The following SPAG16 variants were observed in gnomAD, a reference collection of about 807,000 sequenced individuals.
SPAG16 encodes sperm associated antigen 16.
In SPAG16, 86 loss-of-function variants were observed where a neutral mutation model predicts 80.4. The observed-to-expected ratio is 1.07, with a 90% CI of 0.90 to 1.28. The LOEUF (loss-of-function observed/expected upper bound fraction) is 1.28. Ranked by LOEUF, SPAG16 falls within the 50% of genes most tolerant of loss-of-function variation. SPAG16 has a pLI of 0.00. For synonymous variants in SPAG16, 294 were observed against 265.9 expected, an observed-to-expected ratio of 1.11 and a Z score of -1.03; for missense variants, 870 against 765.3, an observed-to-expected ratio of 1.14 and a Z score of -1.61.
chr2:214,048,820 A>G (rs1000842882), intron 13 of SPAG16, among the ~76,000 whole-genome samples: 9 of 152,196 alleles, frequency 5.9e-5, no homozygotes, highest in Non-Finnish European at 8.8e-5. Flanking sequence ...CCATAAATAT[A>G]TACACCTATG....
intron 15 of SPAG16, among the ~76,000 whole-genome samples, chr2:214,319,200 C>CCACACACACACACA (rs61711759): frequency 0.14 from 20,091 of 142,188 alleles, 1,498 homozygotes; most frequent in African/African-American, 0.17. Flanking sequence ...CACACACACA[C>CCACACACACACACA]CACACACACA....
intron 15 of SPAG16, among the ~76,000 whole-genome samples, chr2:214,324,866 A>C (rs1309965823): frequency 6.6e-6 from 1 of 152,184 alleles, no homozygotes; most frequent in Non-Finnish European, 1.5e-5. Context: ...TATTTTGCAA[A>C]TAAACAAACA....
chr2:213,708,692 A>G (rs2065858341), intron 10 of SPAG16, among the ~76,000 whole-genome samples: 1 of 152,198 alleles, frequency 6.6e-6, no homozygotes. Flanking sequence ...CACACACCGC[A>G]GGAGAATCAC....
At chr2:213,747,225 A>G (rs921208653) in intron 10 of SPAG16, among the ~76,000 whole-genome samples, 3 of 152,248 alleles carry the variant, frequency 2.0e-5, no homozygotes, top group Admixed American at 6.5e-5. Flanking sequence ...AAAGAAATCT[A>G]TAAAGAAAAT....
intron 15 of SPAG16, among the ~76,000 whole-genome samples, chr2:214,169,473 T>TG (rs894422592): frequency 1.3e-5 from 2 of 152,020 alleles, no homozygotes; most frequent in Non-Finnish European, 2.9e-5. Flanking sequence ...ATAATGAGGG[T>TG]GGGGACTCTT....
In SPAG16 at chr2:214,276,619, C is replaced by T. The variant is rs115568846; in HGVS notation, c.1720+127353C>T. The stretch of plus-strand genomic sequence containing the variant: ...CTTTTAAGAATGTTGAATGTTGTCC[C>T]TCAACCCTCTTCCAGCTTGTAGAGT... On this transcript the variant is annotated intron_variant, in intron 15 of 15. Coordinates refer to ENST00000331683, the MANE Select transcript of SPAG16 (RefSeq NM_024532.5). Among the ~76,000 whole-genome samples, 1,060 of 152,310 alleles carry T rather than the reference C, an allele frequency of 7.0e-3. 8 individuals are homozygous for T. Among genetic ancestry groups the T allele is most frequent in the African/African-American group, 0.024 (1,014 of 41,564 alleles).
intron 10 of SPAG16, among the ~76,000 whole-genome samples, chr2:213,577,987 C>T (rs1398275116): frequency 6.6e-6 from 1 of 151,942 alleles, no homozygotes; most frequent in African/African-American, 2.4e-5. Flanking sequence ...TCTGCAATAA[C>T]TAAAACTCTT....
rs1386730642 is a variant in SPAG16 at position 214,378,384 on chromosome 2, A to C, written c.1721-31756A>C. Among the ~76,000 whole-genome samples, 4 of 152,188 alleles carry C rather than the reference A, an allele frequency of 2.6e-5. No homozygotes were observed. The East Asian group carries it at 7.7e-4, about 29-fold the overall frequency. ...TATTAGGATGTCTAACATGGGGCAG[A>C]ATGAGTTGCTCCATTGGCTCAATGA... On this transcript the variant is annotated intron_variant, in intron 15 of 15. Coordinates refer to ENST00000331683, the MANE Select transcript of SPAG16 (RefSeq NM_024532.5).
intron 11 of SPAG16, among the ~76,000 whole-genome samples, chr2:213,891,521 T>G (rs1197544005): frequency 1.3e-5 from 2 of 152,084 alleles, no homozygotes; most frequent in African/African-American, 4.8e-5. Context: ...TTAGATGAAA[T>G]GTATTTTGAA....
intron 15 of SPAG16, among the ~76,000 whole-genome samples, chr2:214,277,136 A>G (rs761945547): frequency 2.0e-5 from 3 of 152,062 alleles, no homozygotes; most frequent in African/African-American, 4.8e-5. Context: ...TTTCAGCTCC[A>G]TCAGGTCATT....
intron 10 of SPAG16, among the ~76,000 whole-genome samples, chr2:213,643,099 G>A (rs558374981): frequency 2.0e-5 from 3 of 149,534 alleles, no homozygotes; most frequent in East Asian, 2.0e-4. Flanking sequence ...GTTTTGTCCC[G>A]CTAGAGAACT....
chr2:213,292,910 A>T (rs950934243), intron 1 of SPAG16, among the ~76,000 whole-genome samples: 2 of 152,152 alleles, frequency 1.3e-5, no homozygotes, highest in Admixed American at 6.5e-5. Context: ...TGCTTTACAT[A>T]TATTGACTCT....
At chr2:213,712,907 C>T (rs1331279507) in intron 10 of SPAG16, among the ~76,000 whole-genome samples, 1 of 152,044 alleles carries the variant, frequency 6.6e-6, no homozygotes, top group South Asian at 2.1e-4. Context: ...CATACTGCTA[C>T]GAAGAAATAC....
chr2:213,885,449 T>C (rs2076517445), intron 11 of SPAG16, among the ~76,000 whole-genome samples: 2 of 152,214 alleles, frequency 1.3e-5, no homozygotes, highest in South Asian at 4.1e-4. Flanking sequence ...ACATTGATTT[T>C]GTTTCCTTAA....
intron 10 of SPAG16, among the ~76,000 whole-genome samples, chr2:213,510,938 T>A (rs1685459962): frequency 6.6e-6 from 1 of 152,174 alleles, no homozygotes; most frequent in African/African-American, 2.4e-5. Flanking sequence ...TTTGTGATGT[T>A]TAAACTGCCA....
intron 15 of SPAG16, among the ~76,000 whole-genome samples, chr2:214,296,731 T>C (rs2125941420): frequency 6.6e-6 from 1 of 152,260 alleles, no homozygotes; most frequent in South Asian, 2.1e-4. Flanking sequence ...CTGATAATAG[T>C]TTGGATGTAT....
intron 10 of SPAG16, among the ~76,000 whole-genome samples, chr2:213,610,254 CT>C (rs928201964): frequency 6.2e-4 from 94 of 152,232 alleles, no homozygotes; most frequent in African/African-American, 2.3e-3. Flanking sequence ...AGAAGTAGCC[CT>C]GCAAAGCTGT....
intron 10 of SPAG16, among the ~76,000 whole-genome samples, chr2:213,809,616 G>T (rs534791601): frequency 1.3e-5 from 2 of 152,252 alleles, no homozygotes; most frequent in South Asian, 2.1e-4. Flanking sequence ...AAGCAGCAAG[G>T]TTACTTGCTG....
chr2:213,539,055 AG>A (rs2076342193), intron 10 of SPAG16, among the ~76,000 whole-genome samples: 1 of 152,170 alleles, frequency 6.6e-6, no homozygotes, highest in African/African-American at 2.4e-5. Context: ...CTTCTAAAAC[AG>A]GTGATATGCT....
Sources: gnomAD v4.1 joint callset for allele counts (sites outside exome capture counted in the v4.1 genomes callset) on GRCh38, gnomAD v4.1.1 for gene constraint, MANE v1.5 for transcripts, NCBI Gene and HGNC (gene_info 2026-07-23, HGNC 2026-07-21) for gene names.